The following GRM8 variants were observed in gnomAD, a reference collection of about 807,000 sequenced individuals.
GRM8 encodes metabotropic glutamate receptor 8.
GRM8 carries 47 observed loss-of-function variants against 87.2 expected under a neutral mutation model. The ratio of observed to expected loss-of-function variants is 0.54; its 90% CI spans 0.43 to 0.69. The LOEUF (loss-of-function observed/expected upper bound fraction) is 0.69, where lower values mean the gene tolerates loss of function less well. Among genes scored for constraint, GRM8 ranks in the 30% least tolerant of loss-of-function variants. The pLI, the probability that GRM8 is intolerant of heterozygous loss-of-function variation, is 0.00. For missense variants in GRM8, 1,019 were observed against 1,139.2 expected, an observed-to-expected ratio of 0.89 and a Z score of 1.52; for synonymous variants, 396 against 404.5, an observed-to-expected ratio of 0.98 and a Z score of 0.25.
chr7:127,031,098 G>A (rs1817317728), intron 3 of GRM8, among the ~76,000 whole-genome samples: 1 of 152,062 alleles, frequency 6.6e-6, no homozygotes, highest in Non-Finnish European at 1.5e-5. Context: ...CCACACAGTT[G>A]GTTCACATCA....
At chr7:127,179,570 C>G (rs1443846266) in intron 2 of GRM8, among the ~76,000 whole-genome samples, 1 of 152,054 alleles carries the variant, frequency 6.6e-6, no homozygotes, top group Non-Finnish European at 1.5e-5. Flanking sequence ...GCACATGGAA[C>G]TTTCTCCAAG....
rs535163488 is a variant in GRM8, at chr7:126,827,097, C to T, written c.1157-57032G>A. On this transcript the variant is annotated intron_variant, in intron 6 of 10. Transcript: ENST00000339582. ...TATATCTCTGTTTTGGTAGCAGTAC[C>T]ATGCTGTTTTGGTTACTGTAGCCTT... 2.6e-5 allele frequency among the ~76,000 whole-genome samples: 4 copies of T among 152,116 alleles called. No individual in the cohort carries two copies. In the South Asian group the frequency reaches 8.3e-4, roughly 32 times the overall value.
intron 7 of GRM8, among the ~76,000 whole-genome samples, chr7:126,708,521 A>G (rs1810774621): frequency 6.6e-6 from 1 of 150,648 alleles, no homozygotes; most frequent in Non-Finnish European, 1.5e-5. Context: ...TGTGATATGT[A>G]TATATCTATA....
intron 8 of GRM8, among the ~76,000 whole-genome samples, chr7:126,602,685 C>T: frequency 6.6e-6 from 1 of 150,718 alleles, no homozygotes. Context: ...ATTTTATTCT[C>T]TTTGAAGCAA....
At chr7:126,806,726 C>G (rs1008369195) in intron 6 of GRM8, among the ~76,000 whole-genome samples, 1 of 152,244 alleles carries the variant, frequency 6.6e-6, no homozygotes, top group Non-Finnish European at 1.5e-5. Flanking sequence ...GGCACCTAGC[C>G]AGCCACTCTG....
At chr7:126,651,384 G>T (rs768000639) in intron 7 of GRM8, among the ~76,000 whole-genome samples, 16 of 152,170 alleles carry the variant, frequency 1.1e-4, no homozygotes, top group Non-Finnish European at 2.1e-4. Flanking sequence ...CAGGGCTGGG[G>T]CAAAGTCCTC....
At chr7:127,019,077 G>A (rs1162449600) in intron 3 of GRM8, among the ~76,000 whole-genome samples, 2 of 151,962 alleles carry the variant, frequency 1.3e-5, no homozygotes. Flanking sequence ...TCAAAGTAGG[G>A]ATGACATATA....
intron 3 of GRM8, among the ~76,000 whole-genome samples, chr7:126,907,269 G>C (rs1364471431): frequency 6.8e-6 from 1 of 147,788 alleles, no homozygotes; most frequent in Non-Finnish European, 1.5e-5. Flanking sequence ...GAAAGGAGGA[G>C]GAGGAGGAAG....
intron 8 of GRM8, among the ~76,000 whole-genome samples, chr7:126,547,961 T>C (rs568176268): frequency 6.9e-6 from 1 of 144,518 alleles, no homozygotes; most frequent in African/African-American, 2.6e-5. Context: ...AGAGGGGGAG[T>C]TGGCTACAGG....
chr7:126,441,889 A>G (rs1052344896), intron 10 of GRM8, among the ~76,000 whole-genome samples: 1 of 152,058 alleles, frequency 6.6e-6, no homozygotes, highest in African/African-American at 2.4e-5. Context: ...TAGTTGACAT[A>G]TCTGCTTATC....
At position 126,591,978 on chromosome 7, in the gene GRM8, G is replaced by A. The variant is rs77943688; in HGVS notation, c.1494+17384C>T. Reference sequence around the variant, plus strand: ...TTGTGAGGGTACAATGAACAATTACGTGCAAACAAATAGAAAAACTCAGAA... The same window carrying A: ...TTGTGAGGGTACAATGAACAATTACATGCAAACAAATAGAAAAACTCAGAA... On this transcript the variant is annotated intron_variant, in intron 8 of 10. Transcript: ENST00000339582. 8.6e-4 allele frequency among the ~76,000 whole-genome samples: 130 copies of A among 151,716 alleles called. 1 individual carries two copies. Among genetic ancestry groups the A allele is most frequent in the African/African-American group, 3.0e-3 (124 of 41,486 alleles).
intron 2 of GRM8, among the ~76,000 whole-genome samples, chr7:127,135,023 A>T (rs1056318438): frequency 3.3e-5 from 5 of 152,188 alleles, no homozygotes; most frequent in African/African-American, 9.6e-5. Context: ...TTGCTAAAAA[A>T]TGATGTGTTA....
At chr7:126,575,741 G>A (rs996280561) in intron 8 of GRM8, among the ~76,000 whole-genome samples, 1 of 151,944 alleles carries the variant, frequency 6.6e-6, no homozygotes, top group Non-Finnish European at 1.5e-5. Context: ...TGATACTCTC[G>A]CATTTGTGAG....
chr7:126,904,851 C>T (rs1802518491), intron 3 of GRM8, among the ~76,000 whole-genome samples, 168 bp from the exon 4 acceptor site: 1 of 152,136 alleles, frequency 6.6e-6, no homozygotes, highest in Non-Finnish European at 1.5e-5. Context: ...ATAATATATT[C>T]ACCAAATAAA....
Position 126,744,183 on chromosome 7 carries a change from G to C in GRM8, c.1357+25682C>G, listed in dbSNP as rs548568595. Among the ~76,000 whole-genome samples, 18 of 152,136 alleles carry C rather than the reference G, an allele frequency of 1.2e-4. No homozygotes were observed. The East Asian group carries it at 3.3e-3, about 28-fold the overall frequency. ...GCATGACGCTTGACTCAGGAGGGGT[G>C]GGGGAGCATTTATATGATTGAGTTG... On this transcript the variant is annotated intron_variant, in intron 7 of 10. Transcript: ENST00000339582.
At chr7:126,629,496 C>A (rs1055454280) in intron 7 of GRM8, among the ~76,000 whole-genome samples, 2 of 152,026 alleles carry the variant, frequency 1.3e-5, no homozygotes, top group Admixed American at 6.6e-5. Context: ...AAGGTATAGT[C>A]TTTCAATGCA....
chr7:126,475,351 G>GA (rs1221466806), intron 9 of GRM8, among the ~76,000 whole-genome samples: 1 of 151,594 alleles, frequency 6.6e-6, no homozygotes, highest in African/African-American at 2.4e-5. Context: ...ATCCAATTAA[G>GA]AAAAAAATTC....
At chr7:127,035,763 T>C (rs1191083606) in intron 3 of GRM8, among the ~76,000 whole-genome samples, 3 of 152,152 alleles carry the variant, frequency 2.0e-5, no homozygotes, top group Non-Finnish European at 4.4e-5. Context: ...GAGGGACCTA[T>C]TAAAAAATGT....
intron 2 of GRM8, among the ~76,000 whole-genome samples, chr7:127,142,445 G>C (rs1828323812): frequency 6.6e-6 from 1 of 152,132 alleles, no homozygotes; most frequent in South Asian, 2.1e-4. Flanking sequence ...ATTTCTCCCA[G>C]TGACAAGTAG....
Sources: gnomAD v4.1 joint callset for allele counts (sites outside exome capture counted in the v4.1 genomes callset) on GRCh38, gnomAD v4.1.1 for gene constraint, MANE v1.5 for transcripts, NCBI Gene and HGNC (gene_info 2026-07-23, HGNC 2026-07-21) for gene names.